Variants in SLC9A3 observed in about 807,000 individuals in gnomAD.
SLC9A3 encodes solute carrier family 9 member A3.
Under a neutral mutation model 86.8 loss-of-function variants are expected in SLC9A3, and 37 were observed. The observed-to-expected ratio is 0.43, with a 90% CI of 0.33 to 0.56. SLC9A3 has a LOEUF of 0.56. SLC9A3 is among the 20% of genes least tolerant of loss of function. The probability of loss-of-function intolerance (pLI) is 0.06; values close to 1 mark genes in which losing one functional copy is unlikely to be tolerated. For synonymous variants in SLC9A3, 581 were observed against 528.3 expected, an observed-to-expected ratio of 1.10 and a Z score of -1.37; for missense variants, 1,011 against 1,171.9, an observed-to-expected ratio of 0.86 and a Z score of 2.00.
chr5:482,805 C>CCCTCCCAGGCCGCCCT (rs1469881527), intron 6 of SLC9A3, 55 bp from the exon 7 acceptor site: 6 of 1,412,174 alleles, frequency 4.2e-6, no homozygotes, highest in Non-Finnish European at 5.9e-6. Flanking sequence ...AGCCGCGGGA[C>CCCTCCCAGGCCGCCCT]CCCAGCCCCT....
intron 11 of SLC9A3, 71 bp downstream of exon 11, chr5:477,261 C>G: frequency 9.0e-7 from 1 of 1,105,542 alleles, no homozygotes. Flanking sequence ...GCCACCACAG[C>G]CCTGTCTGTG....
intron 3 of SLC9A3, among the ~76,000 whole-genome samples, chr5:488,048 G>A (rs768961660): frequency 2.0e-5 from 3 of 152,264 alleles, no homozygotes; most frequent in Non-Finnish European, 4.4e-5. Flanking sequence ...GGACCAGGAG[G>A]GCGGGATTTC....
At chr5:514,282 C>T (rs1374801106) in intron 1 of SLC9A3, among the ~76,000 whole-genome samples, 2 of 152,216 alleles carry the variant, frequency 1.3e-5, no homozygotes, top group African/African-American at 4.8e-5. Flanking sequence ...ACTCCCTCTT[C>T]CTCCCTGACC....
At position 524,207 on chromosome 5, in the gene SLC9A3, C is replaced by T. The variant is rs772053823; in HGVS notation, c.116G>A (p.Ser39Asn). ...EVEPGGAHGE[S>N]GGFQVVTFEW... The stretch of plus-strand genomic sequence containing the variant: ...GAAGGTGACCACCTGGAAGCCCCCG[C>T]TCTCGCCGTGCGCGCCGCCGGGCTC... Residue 39 changes from serine (S) to asparagine (N), a missense_variant, in exon 1 of 17, where the codon AGC (serine) becomes AAC (asparagine). This residue lies in a region of SLC9A3 where 565 missense variants were observed against 790.0 expected (regional missense o/e 0.72). Transcript: ENST00000264938. 185 of 1,530,008 alleles carry T rather than the reference C, an allele frequency of 1.2e-4. No homozygotes were observed. Among genetic ancestry groups the T allele is most frequent in the Non-Finnish European group, 1.5e-4 (170 of 1,141,262 alleles). The allele number at this position is 1,530,008 out of a possible 1,614,324, so 94.8% of individuals were successfully genotyped here.
chr5:492,619 G>A (rs1436759355), intron 1 of SLC9A3, among the ~76,000 whole-genome samples: 6 of 152,110 alleles, frequency 3.9e-5, no homozygotes, highest in East Asian at 1.9e-4. Flanking sequence ...GGAGGGAGCC[G>A]GTGCTATGGG....
intron 1 of SLC9A3, among the ~76,000 whole-genome samples, chr5:501,399 A>G (rs1446261140): frequency 6.6e-6 from 1 of 152,190 alleles, no homozygotes; most frequent in Admixed American, 6.5e-5. Flanking sequence ...CACGTCCCGG[A>G]GGATTAAACT....
At chr5:488,925 T>TG (rs1403552845) in intron 2 of SLC9A3, among the ~76,000 whole-genome samples, 1 of 147,910 alleles carries the variant, frequency 6.8e-6, no homozygotes, top group South Asian at 2.2e-4. Flanking sequence ...GTTGGGGGTG[T>TG]GGGGGCAGAT....
At chr5:517,758 T>G (rs1417574148) in intron 1 of SLC9A3, among the ~76,000 whole-genome samples, 1 of 148,506 alleles carries the variant, frequency 6.7e-6, no homozygotes, top group South Asian at 2.2e-4. Context: ...CATCCATCCA[T>G]CCATCCACCC....
intron 1 of SLC9A3, among the ~76,000 whole-genome samples, chr5:521,962 C>T (rs764647414): frequency 2.0e-5 from 3 of 152,314 alleles, no homozygotes; most frequent in African/African-American, 4.8e-5. Flanking sequence ...GGGGCCAATC[C>T]GGGCAGACCC....
chr5:470,907 G>A lies in SLC9A3; in HGVS notation c.*2472C>T, dbSNP rs1045662665. 2.0e-5 allele frequency: 3 copies of A among 152,428 alleles called. No homozygotes were observed. The highest frequency in any genetic ancestry group is 7.2e-5 in the African/African-American group (3 of 41,544). The allele number at this position is 152,428 out of a possible 1,614,324, so 9.4% of individuals were successfully genotyped here. ...AAAAGTTTTTACAAGTTTTCCTAAG[G>A]AAATACATTCATAAGACTGTTTACC... On this transcript the variant is annotated 3_prime_UTR_variant, in exon 17 of 17. Transcript: ENST00000264938.
intron 9 of SLC9A3, chr5:480,503 C>T (rs1299117763): frequency 6.4e-6 from 1 of 155,658 alleles, no homozygotes; most frequent in African/African-American, 2.4e-5. Context: ...CCCTCCAGGG[C>T]ACAGGGTGGG....
rs542782416 is a variant in SLC9A3 at position 482,480 on chromosome 5, G to C, written c.1356+68C>G. 9 of 1,321,140 alleles carry C rather than the reference G, an allele frequency of 6.8e-6. No individual in the cohort carries two copies. The African/African-American group carries it at 1.0e-4, about 15-fold the overall frequency. The allele number at this position is 1,321,140 out of a possible 1,614,324, so 81.8% of individuals were successfully genotyped here. On this transcript the variant is annotated intron_variant, in intron 7 of 16. Transcript: ENST00000264938. ...TCTGGAGCCTGGAAATGCTTGTCCT[G>C]AAGTGCGGGCCCAGGCTCCCCTCGC...
Position 484,620 on chromosome 5 carries a change from A to C in SLC9A3, c.832T>G (p.Phe278Val). 1 of 1,613,200 alleles carries C rather than the reference A, an allele frequency of 6.2e-7. No homozygotes were observed. The change falls in exon 5 of 17, where the codon TTC (phenylalanine) becomes GTC (valine). Residue 278 changes from phenylalanine to valine, a missense_variant. Transcript: ENST00000264938. ...TCGATGATACGCACATGCTTGGTGA[A>C]GCGCGTCACCAGCGACAGCAGGAAG... ...FAFLLSLVTR[F>V]TKHVRIIEPG...
chr5:473,455 C>G, intron 16 of SLC9A3, 73 bp from the exon 17 acceptor site: 1 of 1,249,090 alleles, frequency 8.0e-7, no homozygotes, highest in Non-Finnish European at 1.0e-6. Context: ...CCGGGGGCCT[C>G]AGCTGTCCCC....
Position 524,317 on chromosome 5 carries a change from C to G in SLC9A3, c.6G>C (p.Trp2Cys). The G allele has an allele frequency of 7.9e-7, 1 of 1,264,714 alleles. No homozygotes were observed. Among genetic ancestry groups the G allele is most frequent in the Non-Finnish European group, 1.0e-6 (1 of 998,708 alleles). 78.3% of individuals were successfully genotyped at this position (1,264,714 alleles called of 1,614,324 possible). ...GGTCGGGGCCCCGGGCCCCGAGTCC[C>G]CACATTGCCGCCTGCTCAGCGCAGG... M[W>C]GLGARGPDRG... The change falls in exon 1 of 17, where the codon TGG becomes TGC. Residue 2 changes from tryptophan to cysteine, a missense_variant. By Grantham distance (215) the Trp-to-Cys change is radical. This residue lies in a region of SLC9A3 where 49 missense variants were observed against 35.6 expected (regional missense o/e 1.38). Transcript: ENST00000264938.
intron 5 of SLC9A3, among the ~76,000 whole-genome samples, chr5:484,095 C>T (rs146453784): frequency 9.6e-4 from 145 of 151,540 alleles, no homozygotes; most frequent in East Asian, 3.6e-3. Context: ...CTCACCCCGC[C>T]GGACCCAGGA....
At position 485,192 on chromosome 5, in the gene SLC9A3, C is replaced by T. The variant is rs759490208; in HGVS notation, c.715G>A (p.Gly239Ser). 1 of 1,613,978 alleles carries T rather than the reference C, an allele frequency of 6.2e-7. No individual in the cohort carries two copies. The highest frequency in any genetic ancestry group is 2.2e-5 in the East Asian group (1 of 44,884). ...NVFESFVALG[G>S]DNVTGVDCVK... ...CAGTCCACGCCAGTCACGTTGTCAC[C>T]TCCCAGCGCCACGAAAGATTCAAAC... The change falls in exon 4 of 17, where the codon GGT (glycine) becomes AGT (serine). Residue 239 changes from glycine to serine, a missense_variant. This residue lies in a region of SLC9A3 where 565 missense variants were observed against 790.0 expected (regional missense o/e 0.72). Coordinates refer to ENST00000264938, the MANE Select transcript of SLC9A3 (RefSeq NM_004174.4).
chr5:473,001 G>A lies in SLC9A3; in HGVS notation c.*378C>T, dbSNP rs1190129802. On this transcript the variant is annotated 3_prime_UTR_variant, in exon 17 of 17. Transcript: ENST00000264938. ...CTCCTCCTGCTCCAGCGCGTGCGGC[G>A]GTGCGTGGCACGAGGGCGGCAGCGA... 5 of 466,006 alleles carry A rather than the reference G, an allele frequency of 1.1e-5. No homozygotes were observed. In the South Asian group the frequency reaches 1.2e-4, roughly 12 times the overall value. The allele number at this position is 466,006 out of a possible 1,614,324, so 28.9% of individuals were successfully genotyped here. A position where few individuals can be genotyped will look rare whatever the true frequency, so the allele number is the denominator to read the frequency against.
chr5:517,886 TATCCATCCATCCACCCATCATCC>T (rs1733781523), intron 1 of SLC9A3, among the ~76,000 whole-genome samples: 1 of 148,540 alleles, frequency 6.7e-6, no homozygotes, highest in Admixed American at 6.7e-5. Flanking sequence ...TCCATCCACT[TATCCATCCATCCACCCATCATCC>T]ATCCATCCAT....
Sources: allele counts gnomAD v4.1 joint callset (sites outside exome capture counted in the v4.1 genomes callset), GRCh38; gene constraint gnomAD v4.1.1; regional missense constraint gnomAD v4.1.1; transcripts MANE v1.5; gene names NCBI Gene and HGNC (gene_info 2026-07-23, HGNC 2026-07-21).